SMAD1: variants seen among roughly 807,000 people sequenced by gnomAD.
SMAD1 encodes the protein MAD, mothers against decapentaplegic homolog 1.
SMAD1 carries 6 observed loss-of-function variants against 41.6 expected under a neutral mutation model. The ratio of observed to expected loss-of-function variants is 0.14; its 90% CI spans 0.08 to 0.28. The LOEUF is 0.28. SMAD1 is among the 10% of genes least tolerant of loss of function. The pLI, the probability that SMAD1 is intolerant of heterozygous loss-of-function variation, is 1.00. For synonymous variants in SMAD1, 206 were observed against 203.2 expected (o/e 1.01, Z -0.12); for missense variants, 379 against 582.6 (o/e 0.65, Z 3.60).
intron 1 of SMAD1, among the ~76,000 whole-genome samples, chr4:145,501,881 C>G (rs9685596): frequency 0.59 from 89,459 of 151,832 alleles, 27,215 homozygotes; most frequent in African/African-American, 0.71. Context: ...TACCTTGAAG[C>G]ATTGGTGTGA....
chr4:145,536,772 C>G (rs1731637715), intron 2 of SMAD1, among the ~76,000 whole-genome samples: 1 of 152,124 alleles, frequency 6.6e-6, no homozygotes, highest in South Asian at 2.1e-4. Flanking sequence ...GTATCTCTCA[C>G]TACTTATTAA....
intron 3 of SMAD1, 126 bp downstream of exon 3, chr4:145,540,187 C>T (rs1731843173): frequency 2.8e-6 from 3 of 1,058,142 alleles, no homozygotes; most frequent in African/African-American, 3.2e-5. Context: ...ATAGTGCTCT[C>T]GCACTTTTAG....
chr4:145,521,067 AAG>A (rs1273896289), intron 2 of SMAD1, among the ~76,000 whole-genome samples: 2 of 152,238 alleles, frequency 1.3e-5, no homozygotes, highest in African/African-American at 4.8e-5. Context: ...ACTTACAGGA[AAG>A]AGAAAGTTCG....
chr4:145,546,370 A>C, intron 4 of SMAD1: 1 of 238,132 alleles, frequency 4.2e-6, no homozygotes, highest in South Asian at 7.6e-5. Flanking sequence ...AGTCTGTGGT[A>C]GGGGTGATTT....
chr4:145,502,413 A>T lies in SMAD1; in HGVS notation c.-176-12025A>T, dbSNP rs569103330. Reference sequence around the variant, plus strand: ...TAGAAAAGCCAACTTTGTTTGTTGAAGTTGGGGACAATAAGAAAACTTTCA... The same window carrying T: ...TAGAAAAGCCAACTTTGTTTGTTGATGTTGGGGACAATAAGAAAACTTTCA... On this transcript the variant is annotated intron_variant, in intron 1 of 6. Transcript: ENST00000302085. 6.6e-5 allele frequency among the ~76,000 whole-genome samples: 10 copies of T among 152,344 alleles called. No homozygotes were observed. In the South Asian group the frequency reaches 2.1e-3, roughly 32 times the overall value.
At chr4:145,495,262 G>A (rs1729006665) in intron 1 of SMAD1, among the ~76,000 whole-genome samples, 1 of 152,118 alleles carries the variant, frequency 6.6e-6, no homozygotes, top group Non-Finnish European at 1.5e-5. Flanking sequence ...GGTAACTGAA[G>A]TGGTAGTGTC....
At chr4:145,487,451 T>C (rs1728534400) in intron 1 of SMAD1, among the ~76,000 whole-genome samples, 1 of 152,188 alleles carries the variant, frequency 6.6e-6, no homozygotes, top group African/African-American at 2.4e-5. Context: ...GGTACCAAGA[T>C]TTTAGGACAT....
chr4:145,496,077 G>T (rs1729058155), intron 1 of SMAD1, among the ~76,000 whole-genome samples: 1 of 151,790 alleles, frequency 6.6e-6, no homozygotes, highest in Non-Finnish European at 1.5e-5. Context: ...TTAGATTAAA[G>T]TGAATTTAAT....
intron 2 of SMAD1, among the ~76,000 whole-genome samples, chr4:145,531,254 ATTAATT>A (rs1329949306): frequency 6.6e-6 from 1 of 152,204 alleles, no homozygotes; most frequent in Non-Finnish European, 1.5e-5. Flanking sequence ...TGTGTATACT[ATTAATT>A]TTAAGTGTTC....
At position 145,515,170 on chromosome 4, in the gene SMAD1, G is replaced by GTGTGTC. The variant is rs781751692; in HGVS notation, c.400+162_400+163insCTGTGT. ...TGTGTGTGTGTGTGTGTGTGTGTGT[G>GTGTGTC]TGTGTGTCTGTGTGAATGCAAGAGA... On this transcript the variant is annotated intron_variant, in intron 2 of 6. Coordinates refer to ENST00000302085, the MANE Select transcript of SMAD1 (RefSeq NM_005900.3). Among the ~76,000 whole-genome samples, 4,065 of 149,876 alleles carry GTGTGTC rather than the reference G, an allele frequency of 0.027. 74 individuals are homozygous for GTGTGTC. Among genetic ancestry groups the GTGTGTC allele is most frequent in the South Asian group, 0.042 (199 of 4,700 alleles).
At chr4:145,525,805 T>C (rs971220732) in intron 2 of SMAD1, 2 of 152,234 alleles carry the variant, frequency 1.3e-5, no homozygotes, top group African/African-American at 4.8e-5. Context: ...CATAAAACTA[T>C]GTAACTAGAG....
intron 2 of SMAD1, among the ~76,000 whole-genome samples, chr4:145,518,128 G>T (rs905734811): frequency 7.9e-6 from 1 of 126,316 alleles, no homozygotes; most frequent in African/African-American, 2.5e-5. Context: ...GCAGCCAGAT[G>T]TGGTGGTACA....
Position 145,514,419 on chromosome 4 carries a change from T to C in SMAD1, c.-176-19T>C, listed in dbSNP as rs1730262627. On this transcript the variant is annotated intron_variant, in intron 1 of 6. Coordinates refer to ENST00000302085, the MANE Select transcript of SMAD1 (RefSeq NM_005900.3). The surrounding 1 kb of genome is among the most constrained non-coding windows in gnomAD (Gnocchi z 4.7). ...TGTATGGTAAAGATGATTCTAACCA[T>C]TCTTTTTTTGTTTTGTAGGTGCTGA... 1.9e-6 allele frequency: 1 copy of C among 527,566 alleles called. No homozygotes were observed. The highest frequency in any genetic ancestry group is 1.9e-5 in the African/African-American group (1 of 52,332). 32.7% of individuals were successfully genotyped at this position (527,566 alleles called of 1,614,324 possible).
rs755340141 is a variant in SMAD1 at position 145,514,936 on chromosome 4, G to A, written c.323G>A (p.Cys108Tyr). The change falls in exon 2 of 7, where the codon TGC (cysteine) becomes TAC (tyrosine). Residue 108 changes from cysteine (C) to tyrosine (Y), a missense_variant. Physicochemically the swap from Cys to Tyr is radical, Grantham distance 194. Around this residue, in one of 3 missense-constraint regions of SMAD1, gnomAD observed 64 missense variants for 153.9 expected, o/e 0.42. Coordinates refer to ENST00000302085, the MANE Select transcript of SMAD1 (RefSeq NM_005900.3). This position sits in a 1 kb window ranked among gnomAD's most constrained non-coding sequence, Gnocchi z 4.7. Reference protein sequence around the residue: ...QSHHELKPLECCEFPFGSKQK... With the variant: ...QSHHELKPLEYCEFPFGSKQK... ...CACCATGAACTAAAACCACTGGAAT[G>A]CTGTGAGTTTCCTTTTGGTTCCAAG... 4 of 1,614,028 alleles carry A rather than the reference G, an allele frequency of 2.5e-6. No homozygotes were observed. Among genetic ancestry groups the A allele is most frequent in the Non-Finnish European group, 3.4e-6 (4 of 1,180,004 alleles).
chr4:145,494,880 G>A (rs1240201269), intron 1 of SMAD1, among the ~76,000 whole-genome samples: 1 of 152,130 alleles, frequency 6.6e-6, no homozygotes, highest in Non-Finnish European at 1.5e-5. Flanking sequence ...TGACTGCTTT[G>A]CTTCCCCTTT....
intron 1 of SMAD1, among the ~76,000 whole-genome samples, chr4:145,512,421 A>G (rs890945207): frequency 2.1e-4 from 32 of 151,722 alleles, no homozygotes; most frequent in African/African-American, 7.5e-4. Context: ...TTAGTTCTTT[A>G]TTTTTCATTT....
chr4:145,527,948 C>T (rs1397114573), intron 2 of SMAD1, among the ~76,000 whole-genome samples: 1 of 151,602 alleles, frequency 6.6e-6, no homozygotes, highest in Non-Finnish European at 1.5e-5. Flanking sequence ...GCAACTTCCA[C>T]CGCTCCCCGC....
intron 2 of SMAD1, among the ~76,000 whole-genome samples, chr4:145,522,452 T>G (rs962126107): frequency 6.6e-6 from 1 of 151,574 alleles, no homozygotes; most frequent in African/African-American, 2.4e-5. Context: ...AAATACAAAA[T>G]TAGCCCACGT....
In SMAD1 at chr4:145,518,446, G is replaced by A. The variant is rs1299709774; in HGVS notation, c.400+3433G>A. Among the ~76,000 whole-genome samples, 2 of 119,830 alleles carry A rather than the reference G, an allele frequency of 1.7e-5. 1 individual carries two copies. The highest frequency in any genetic ancestry group is 4.1e-5 in the Non-Finnish European group (2 of 49,084). 78.6% of individuals were successfully genotyped at this position (119,830 alleles called of 152,430 possible). A position where few individuals can be genotyped will look rare whatever the true frequency, so the allele number is the denominator to read the frequency against. On this transcript the variant is annotated intron_variant, in intron 2 of 6. Coordinates refer to ENST00000302085, the MANE Select transcript of SMAD1 (RefSeq NM_005900.3). ...GCAGGTTGTAGTGAGCCAAGATCAT[G>A]CCATTGCACTCCAGCCTGGGGGACA...
Sources: gnomAD v4.1 joint callset for allele counts (sites outside exome capture counted in the v4.1 genomes callset) on GRCh38, gnomAD v4.1.1 for gene constraint, gnomAD v4.1.1 regional missense constraint, Gnocchi (gnomAD v3.1) non-coding constraint, MANE v1.5 for transcripts, NCBI Gene and HGNC (gene_info 2026-07-23, HGNC 2026-07-21) for gene names.